PRKG1: variants seen among roughly 807,000 people sequenced by gnomAD.
PRKG1 encodes the protein cGMP-dependent protein kinase 1.
A neutral mutation model predicts 88.1 loss-of-function variants in PRKG1; 35 were observed. That is an observed-to-expected ratio of 0.40 (90% CI 0.30 to 0.53). The LOEUF is 0.53. Among genes scored for constraint, PRKG1 ranks in the 20% least tolerant of loss-of-function variants. The pLI is 0.59. For missense variants in PRKG1, 540 were observed against 839.8 expected (o/e 0.64, Z 4.41); for synonymous variants, 303 against 292.5 (o/e 1.04, Z -0.37).
At chr10:51,707,692 G>T (rs1841644796) in intron 3 of PRKG1, among the ~76,000 whole-genome samples, 1 of 152,074 alleles carries the variant, frequency 6.6e-6, no homozygotes, top group Admixed American at 6.5e-5. Flanking sequence ...CTCTTCTGAG[G>T]CTAGGTTGGT....
At chr10:51,319,386 C>T (rs560733838) in intron 2 of PRKG1, among the ~76,000 whole-genome samples, 1 of 152,252 alleles carries the variant, frequency 6.6e-6, no homozygotes, top group South Asian at 2.1e-4. Flanking sequence ...AATTCTTTGA[C>T]CTAGTTAACA....
intron 1 of PRKG1, among the ~76,000 whole-genome samples, chr10:51,041,422 G>A (rs752537735): frequency 2.6e-5 from 4 of 152,174 alleles, no homozygotes; most frequent in Non-Finnish European, 4.4e-5. Flanking sequence ...GGCTGGGCAT[G>A]TGCTGGGTCA....
chr10:51,813,909 G>A (rs1839519739), intron 4 of PRKG1, among the ~76,000 whole-genome samples: 2 of 152,090 alleles, frequency 1.3e-5, no homozygotes, highest in Non-Finnish European at 2.9e-5. Context: ...AATAGCTTAA[G>A]AGCTATCACT....
chr10:51,617,390 G>A (rs1373455830), intron 3 of PRKG1, among the ~76,000 whole-genome samples: 3 of 151,882 alleles, frequency 2.0e-5, no homozygotes, highest in African/African-American at 7.3e-5. Flanking sequence ...GAGGAGGTAA[G>A]CACTGGTGGT....
intron 3 of PRKG1, chr10:51,568,517 G>C (rs1225019972): frequency 6.6e-6 from 1 of 151,890 alleles, no homozygotes; most frequent in East Asian, 1.9e-4. Context: ...TGGAATTACT[G>C]GAATGAACCA....
At chr10:52,269,127 A>AT (rs1841651861) in intron 10 of PRKG1, among the ~76,000 whole-genome samples, 1 of 151,940 alleles carries the variant, frequency 6.6e-6, no homozygotes, top group Non-Finnish European at 1.5e-5. Flanking sequence ...TATAGTAGGC[A>AT]TTTTTGAACA....
intron 5 of PRKG1, among the ~76,000 whole-genome samples, chr10:51,933,618 A>C (rs979946880): frequency 1.4e-5 from 2 of 144,252 alleles, no homozygotes; most frequent in African/African-American, 5.5e-5. Flanking sequence ...AATTTTAGCC[A>C]AGTTTTTTTT....
intron 2 of PRKG1, among the ~76,000 whole-genome samples, chr10:51,377,133 T>G (rs950358857): frequency 6.6e-6 from 1 of 152,174 alleles, no homozygotes; most frequent in Non-Finnish European, 1.5e-5. Context: ...AACAGAAATC[T>G]TATTCTCAGT....
chr10:51,155,505 A>G (rs1356005923), intron 2 of PRKG1, among the ~76,000 whole-genome samples: 2 of 152,012 alleles, frequency 1.3e-5, no homozygotes, highest in Non-Finnish European at 2.9e-5. Flanking sequence ...CAACTAGTTT[A>G]TAGTAGAGTC....
chr10:51,487,724 C>G (rs921504988), intron 3 of PRKG1, among the ~76,000 whole-genome samples: 6 of 152,156 alleles, frequency 3.9e-5, no homozygotes, highest in African/African-American at 1.4e-4. Flanking sequence ...CAAAAACACC[C>G]TGGACAACGA....
intron 1 of PRKG1, among the ~76,000 whole-genome samples, chr10:51,106,900 C>T (rs554902411): frequency 1.3e-5 from 2 of 152,030 alleles, no homozygotes; most frequent in Non-Finnish European, 2.9e-5. Context: ...AGTGAACAGA[C>T]AAAAGTGTTA....
At chr10:51,322,191 G>A (rs1443944816) in intron 2 of PRKG1, among the ~76,000 whole-genome samples, 1 of 152,136 alleles carries the variant, frequency 6.6e-6, no homozygotes, top group Non-Finnish European at 1.5e-5. Flanking sequence ...CATTTTGCTT[G>A]TCAGTCCTGA....
At chr10:51,058,052 G>A (rs931421815) in intron 1 of PRKG1, among the ~76,000 whole-genome samples, 3 of 152,036 alleles carry the variant, frequency 2.0e-5, no homozygotes, top group Admixed American at 1.3e-4. Context: ...TAGCCATTTG[G>A]GTAGATGTGT....
chr10:52,012,493 C>A (rs927322054), intron 5 of PRKG1, among the ~76,000 whole-genome samples: 2 of 152,132 alleles, frequency 1.3e-5, no homozygotes, highest in African/African-American at 4.8e-5. Flanking sequence ...CTACCCGCCT[C>A]AGCCTCCCAA....
At chr10:51,238,598 A>C (rs1005062515) in intron 2 of PRKG1, among the ~76,000 whole-genome samples, 7 of 150,820 alleles carry the variant, frequency 4.6e-5, no homozygotes, top group Non-Finnish European at 1.0e-4. Context: ...AAATAAAAAA[A>C]TAAAAAAAGT....
chr10:52,148,623 A>C (rs546561919), intron 8 of PRKG1, among the ~76,000 whole-genome samples: 2 of 152,290 alleles, frequency 1.3e-5, no homozygotes, highest in South Asian at 2.1e-4. Flanking sequence ...TAGAGGGAGA[A>C]GAGAAGAATC....
intron 9 of PRKG1, among the ~76,000 whole-genome samples, chr10:52,241,387 C>T (rs190247349): frequency 1.3e-4 from 20 of 152,248 alleles, no homozygotes; most frequent in African/African-American, 2.4e-5. Flanking sequence ...AAGTGAGCTT[C>T]GTAGACATGT....
intron 3 of PRKG1, among the ~76,000 whole-genome samples, chr10:51,524,527 A>G (rs1266409306): frequency 1.3e-5 from 2 of 152,216 alleles, no homozygotes; most frequent in Non-Finnish European, 2.9e-5. Flanking sequence ...GTCACAGGGC[A>G]TTATTCTTTT....
chr10:51,293,472 A>G (rs1337815932), intron 2 of PRKG1, among the ~76,000 whole-genome samples: 1 of 152,104 alleles, frequency 6.6e-6, no homozygotes, highest in Non-Finnish European at 1.5e-5. Context: ...AGATCATGCA[A>G]TAGTTGTCTT....
Sources: allele counts gnomAD v4.1 joint callset (sites outside exome capture counted in the v4.1 genomes callset), GRCh38; gene constraint gnomAD v4.1.1; transcripts MANE v1.5; gene names NCBI Gene and HGNC (gene_info 2026-07-23, HGNC 2026-07-21).